The following CREB3L2 variants were observed in gnomAD, a reference collection of about 807,000 sequenced individuals.
CREB3L2 encodes cAMP responsive element binding protein 3 like 2.
Under a neutral mutation model 57.2 loss-of-function variants are expected in CREB3L2, and 23 were observed. The observed-to-expected ratio is 0.40, with a 90% CI of 0.29 to 0.57. The LOEUF (loss-of-function observed/expected upper bound fraction) is 0.57, where lower values mean the gene tolerates loss of function less well. Ranked by LOEUF, CREB3L2 falls within the 20% of genes least tolerant of loss-of-function variation. The pLI is 0.42. For synonymous variants in CREB3L2, 268 were observed against 265.1 expected (o/e 1.01, Z -0.11); for missense variants, 628 against 634.7 (o/e 0.99, Z 0.11).
intron 2 of CREB3L2, among the ~76,000 whole-genome samples, chr7:137,922,421 T>C (rs373595270): frequency 0.61 from 62,325 of 102,158 alleles, 20,056 homozygotes; most frequent in East Asian, 0.85. Context: ...TATATGTATA[T>C]ATATATATAT....
At chr7:137,930,830 A>G (rs1800599628) in intron 1 of CREB3L2, among the ~76,000 whole-genome samples, 1 of 151,976 alleles carries the variant, frequency 6.6e-6, no homozygotes, top group Non-Finnish European at 1.5e-5. Flanking sequence ...CTGCATCACA[A>G]TTACCAGGGA....
chr7:137,912,785 CACGTGCAT>C lies in CREB3L2; in HGVS notation c.583+198_583+205del, dbSNP rs767325685. On this transcript the variant is annotated intron_variant, in intron 4 of 11. Coordinates refer to ENST00000330387, the MANE Select transcript of CREB3L2 (RefSeq NM_194071.4). ...TGGTAACACTTAGCTGAAATTTAAT[CACGTGCAT>C]ATATGGGAAAATAATAGTTAGCTTG... 28 of 1,446,342 alleles carry C rather than the reference CACGTGCAT, an allele frequency of 1.9e-5. No homozygotes were observed. The South Asian group carries it at 3.6e-4, about 18-fold the overall frequency. 89.6% of individuals were successfully genotyped at this position (1,446,342 alleles called of 1,614,324 possible).
intron 1 of CREB3L2, among the ~76,000 whole-genome samples, chr7:137,976,776 T>C (rs1049560479): frequency 6.6e-6 from 1 of 152,224 alleles, no homozygotes; most frequent in African/African-American, 2.4e-5. Context: ...TTTTTAAAAA[T>C]CTCCCCAAGT....
chr7:137,981,635 G>A lies in CREB3L2; in HGVS notation c.102+19969C>T, dbSNP rs961066794. ...GAGATCAGTTAGCCAGGCAGGCAGT[G>A]GTTTAGCTCAAGGAGGGATGAATGA... On this transcript the variant is annotated intron_variant, in intron 1 of 11. Transcript: ENST00000330387. 3.9e-5 allele frequency among the ~76,000 whole-genome samples: 6 copies of A among 152,202 alleles called. 1 individual carries two copies. Among genetic ancestry groups the A allele is most frequent in the Non-Finnish European group, 7.3e-5 (5 of 68,034 alleles).
At chr7:137,978,342 A>G (rs1801644785) in intron 1 of CREB3L2, among the ~76,000 whole-genome samples, 1 of 152,342 alleles carries the variant, frequency 6.6e-6, no homozygotes, top group Non-Finnish European at 1.5e-5. Context: ...AAGTCAGAAC[A>G]GCTGAAAACA....
intron 1 of CREB3L2, among the ~76,000 whole-genome samples, chr7:137,944,996 G>A (rs546027689): frequency 2.3e-3 from 354 of 152,198 alleles, no homozygotes; most frequent in African/African-American, 8.2e-3. Context: ...GGGCTCAAGC[G>A]ATTCTCCTGC....
intron 6 of CREB3L2, 31 bp from the exon 7 acceptor site, chr7:137,904,048 A>T (rs550395830): frequency 1.9e-6 from 3 of 1,569,560 alleles, no homozygotes; most frequent in Admixed American, 1.7e-5. Flanking sequence ...GAGAATGATT[A>T]ATTTCCAGCT....
intron 1 of CREB3L2, among the ~76,000 whole-genome samples, chr7:137,970,947 G>T (rs187575071): frequency 6.6e-6 from 1 of 152,290 alleles, no homozygotes; most frequent in East Asian, 1.9e-4. Context: ...TTACTTTATA[G>T]CTGGGTGCCT....
At chr7:137,990,315 T>C (rs979267003) in intron 1 of CREB3L2, among the ~76,000 whole-genome samples, 33 of 152,240 alleles carry the variant, frequency 2.2e-4, no homozygotes, top group Non-Finnish European at 5.9e-5. Context: ...AAATATCACT[T>C]GCTCCTCCAT....
At chr7:137,976,128 C>G (rs1585671450) in intron 1 of CREB3L2, among the ~76,000 whole-genome samples, 1 of 152,368 alleles carries the variant, frequency 6.6e-6, no homozygotes, top group East Asian at 1.9e-4. Context: ...CTCTGATTAG[C>G]CAAGTATTGG....
chr7:137,937,814 G>A (rs1436718001), intron 1 of CREB3L2, among the ~76,000 whole-genome samples: 4 of 126,412 alleles, frequency 3.2e-5, no homozygotes. Context: ...TTTTAAAGAG[G>A]CTTATTACCA....
intron 1 of CREB3L2, among the ~76,000 whole-genome samples, chr7:137,973,624 T>C (rs970577156): frequency 6.6e-5 from 10 of 152,304 alleles, no homozygotes; most frequent in East Asian, 3.9e-4. Flanking sequence ...CTTATTATGA[T>C]GGATCTGAGA....
chr7:137,880,625 G>T lies in CREB3L2; in HGVS notation c.1488-74C>A. 8.2e-7 allele frequency: 1 copy of T among 1,226,454 alleles called. No homozygotes were observed. The highest frequency in any genetic ancestry group is 1.2e-6 in the Non-Finnish European group (1 of 834,728). The allele number at this position is 1,226,454 out of a possible 1,614,324, so 76.0% of individuals were successfully genotyped here. On this transcript the variant is annotated intron_variant, in intron 11 of 11. Coordinates refer to ENST00000330387, the MANE Select transcript of CREB3L2 (RefSeq NM_194071.4). This position sits in a 1 kb window ranked among gnomAD's most constrained non-coding sequence, Gnocchi z 4.0. The stretch of plus-strand genomic sequence containing the variant: ...CTACAATTCTCATGCTTTGTAGCGT[G>T]ATGCAATCATTCAGGGGTTGCAACT...
intron 5 of CREB3L2, among the ~76,000 whole-genome samples, chr7:137,907,691 ATTC>A (rs1364599035): frequency 4.6e-5 from 7 of 152,336 alleles, no homozygotes; most frequent in South Asian, 4.1e-4. Context: ...TTAACGATCT[ATTC>A]TTCTTTATTA....
intron 6 of CREB3L2, among the ~76,000 whole-genome samples, chr7:137,904,707 C>T (rs566228540): frequency 5.3e-5 from 8 of 151,220 alleles, no homozygotes; most frequent in African/African-American, 1.9e-4. Context: ...GGCATGGTGG[C>T]ACACGTCTGT....
At chr7:137,968,078 CCTTT>C (rs1405577141) in intron 1 of CREB3L2, among the ~76,000 whole-genome samples, 8 of 152,208 alleles carry the variant, frequency 5.3e-5, no homozygotes, top group South Asian at 2.1e-4. Context: ...GCTATTTTCA[CCTTT>C]CTTTCTGACT....
intron 1 of CREB3L2, among the ~76,000 whole-genome samples, chr7:137,962,963 A>C (rs1228129794): frequency 6.6e-6 from 1 of 152,072 alleles, no homozygotes; most frequent in African/African-American, 2.4e-5. Flanking sequence ...AGCTTTCCTA[A>C]ACAGCAAGGT....
chr7:137,878,958 A>G lies in CREB3L2; in HGVS notation c.*1518T>C. 1 of 412,720 alleles carries G rather than the reference A, an allele frequency of 2.4e-6. No homozygotes were observed. The highest frequency in any genetic ancestry group is 4.5e-6 in the Non-Finnish European group (1 of 220,748). 25.6% of individuals were successfully genotyped at this position (412,720 alleles called of 1,614,324 possible). The stretch of plus-strand genomic sequence containing the variant: ...GAGAGAAGGAGAGACAGAGAGAGAG[A>G]GGGAGAGAGAGAAGCCAAAACCAAA... On this transcript the variant is annotated 3_prime_UTR_variant, in exon 12 of 12. Transcript: ENST00000330387.
At chr7:137,936,168 A>C (rs1800779347) in intron 1 of CREB3L2, among the ~76,000 whole-genome samples, 1 of 152,208 alleles carries the variant, frequency 6.6e-6, no homozygotes, top group Non-Finnish European at 1.5e-5. Flanking sequence ...AAGATGAATA[A>C]AGGTCAGTCT....
Sources: allele counts gnomAD v4.1 joint callset (sites outside exome capture counted in the v4.1 genomes callset), GRCh38; gene constraint gnomAD v4.1.1; non-coding constraint Gnocchi (gnomAD v3.1); transcripts MANE v1.5; gene names NCBI Gene and HGNC (gene_info 2026-07-23, HGNC 2026-07-21).